Variants in SLC35F1 observed in about 807,000 individuals in gnomAD.
SLC35F1 encodes the protein chromosome 6 open reading frame 169.
SLC35F1 carries 14 observed loss-of-function variants against 48.7 expected under a neutral mutation model. That is an observed-to-expected ratio of 0.29 (90% CI 0.19 to 0.45). SLC35F1 has a LOEUF of 0.45. Among genes scored for constraint, SLC35F1 ranks in the 20% least tolerant of loss-of-function variants. The pLI is 1.00. For synonymous variants in SLC35F1, 190 were observed against 202.2 expected (o/e 0.94, Z 0.51); for missense variants, 404 against 500.0 (o/e 0.81, Z 1.83).
intron 1 of SLC35F1, among the ~76,000 whole-genome samples, chr6:117,948,179 A>G (rs1464651092): frequency 2.0e-5 from 3 of 152,230 alleles, no homozygotes; most frequent in African/African-American, 7.2e-5. Context: ...AACCAAGACA[A>G]ATCTTAACTG....
intron 1 of SLC35F1, among the ~76,000 whole-genome samples, chr6:118,023,829 C>T (rs1187625691): frequency 6.6e-6 from 1 of 152,202 alleles, no homozygotes; most frequent in Non-Finnish European, 1.5e-5. Context: ...CTTCTTTGTG[C>T]TGTAAAAAAG....
At chr6:118,044,018 A>T (rs1179954703) in intron 1 of SLC35F1, among the ~76,000 whole-genome samples, 1 of 152,180 alleles carries the variant, frequency 6.6e-6, no homozygotes, top group Non-Finnish European at 1.5e-5. Flanking sequence ...AAATCTCTTG[A>T]TTGAGTGGAA....
Position 118,026,492 on chromosome 6 carries a change from A to G in SLC35F1, c.173+118593A>G, listed in dbSNP as rs571545772. 5.3e-5 allele frequency among the ~76,000 whole-genome samples: 8 copies of G among 152,328 alleles called. No individual in the cohort carries two copies. In the East Asian group the frequency reaches 1.3e-3, roughly 26 times the overall value. On this transcript the variant is annotated intron_variant, in intron 1 of 7. Transcript: ENST00000360388. ...TATTCTGACTTTAGGATGTGTTAAT[A>G]AGAATATTGACATCACTCTTGGTTC... is the stretch of plus-strand genomic sequence containing the variant.
At chr6:118,247,746 C>G (rs1300147792) in intron 3 of SLC35F1, among the ~76,000 whole-genome samples, 1 of 147,718 alleles carries the variant, frequency 6.8e-6, no homozygotes, top group South Asian at 2.1e-4. Flanking sequence ...GACAAATTGC[C>G]TGGCATATTT....
chr6:118,120,770 C>T (rs2114401227), intron 1 of SLC35F1, among the ~76,000 whole-genome samples: 1 of 152,188 alleles, frequency 6.6e-6, no homozygotes, highest in Admixed American at 6.5e-5. Context: ...ATATTCCGCA[C>T]TGAAACAACA....
At chr6:118,122,770 TA>T (rs111817326) in intron 1 of SLC35F1, among the ~76,000 whole-genome samples, 4 of 152,204 alleles carry the variant, frequency 2.6e-5, no homozygotes, top group African/African-American at 9.6e-5. Flanking sequence ...AAAGTCTGGT[TA>T]ATTCCAGACC....
At chr6:118,185,509 T>C (rs1562318729) in intron 2 of SLC35F1, among the ~76,000 whole-genome samples, 1 of 152,052 alleles carries the variant, frequency 6.6e-6, no homozygotes, top group African/African-American at 2.4e-5. Flanking sequence ...GAAAACAAAA[T>C]CAAACAGTGT....
intron 7 of SLC35F1, among the ~76,000 whole-genome samples, chr6:118,291,248 C>T (rs1332963495): frequency 2.7e-3 from 50 of 18,186 alleles, no homozygotes; most frequent in Middle Eastern, 0.042. Context: ...TGTATACACA[C>T]ACACACACAC....
intron 1 of SLC35F1, among the ~76,000 whole-genome samples, chr6:118,043,375 G>A (rs1772255080): frequency 6.6e-6 from 1 of 151,484 alleles, no homozygotes; most frequent in African/African-American, 2.4e-5. Flanking sequence ...CATCAAATCT[G>A]TCACAGAGAA....
intron 3 of SLC35F1, among the ~76,000 whole-genome samples, chr6:118,235,898 CT>C (rs1189324570): frequency 6.6e-6 from 1 of 151,902 alleles, no homozygotes; most frequent in Non-Finnish European, 1.5e-5. Context: ...CATATGTTTT[CT>C]CTTTGTTTTG....
chr6:118,150,020 A>T (rs1485474284), intron 1 of SLC35F1, among the ~76,000 whole-genome samples: 1 of 152,208 alleles, frequency 6.6e-6, no homozygotes, highest in Non-Finnish European at 1.5e-5. Context: ...ATAATTAAAA[A>T]GTTGAGATTT....
intron 1 of SLC35F1, among the ~76,000 whole-genome samples, chr6:118,003,198 C>G (rs566770314): frequency 6.6e-6 from 1 of 152,270 alleles, no homozygotes; most frequent in South Asian, 2.1e-4. Context: ...TCTCAAGGCT[C>G]CAGCATGTCA....
At chr6:118,123,619 A>G (rs1773584068) in intron 1 of SLC35F1, among the ~76,000 whole-genome samples, 1 of 152,194 alleles carries the variant, frequency 6.6e-6, no homozygotes, top group South Asian at 2.1e-4. Context: ...GCAACCTTTG[A>G]TCTTCCCTAA....
intron 1 of SLC35F1, among the ~76,000 whole-genome samples, chr6:118,005,099 A>G (rs1228452874): frequency 6.6e-6 from 1 of 152,194 alleles, no homozygotes; most frequent in East Asian, 1.9e-4. Context: ...GGTCTTACAG[A>G]AAGACAATGT....
At chr6:117,971,773 A>C (rs894303779) in intron 1 of SLC35F1, among the ~76,000 whole-genome samples, 2 of 152,256 alleles carry the variant, frequency 1.3e-5, no homozygotes, top group Admixed American at 1.3e-4. Flanking sequence ...GGCTAGAGCT[A>C]TAGCAGCTGG....
intron 2 of SLC35F1, among the ~76,000 whole-genome samples, chr6:118,217,521 C>T (rs2114557901): frequency 6.6e-6 from 1 of 152,142 alleles, no homozygotes; most frequent in South Asian, 2.1e-4. Context: ...AGAATGGGGT[C>T]ATGAAAAGCT....
intron 1 of SLC35F1, among the ~76,000 whole-genome samples, chr6:118,067,636 T>A (rs1470508023): frequency 6.6e-6 from 1 of 152,148 alleles, no homozygotes; most frequent in Non-Finnish European, 1.5e-5. Flanking sequence ...TCAGATGGAA[T>A]AAAGGCTAAA....
intron 2 of SLC35F1, among the ~76,000 whole-genome samples, chr6:118,212,407 T>C (rs948778565): frequency 9.2e-5 from 14 of 152,140 alleles, no homozygotes; most frequent in Non-Finnish European, 1.2e-4. Context: ...AATAATCATA[T>C]AGCTGGGCGC....
At position 117,923,902 on chromosome 6, in the gene SLC35F1, ATG is replaced by A. The variant is rs768387646; in HGVS notation, c.173+16011_173+16012del. On this transcript the variant is annotated intron_variant, in intron 1 of 7. Transcript: ENST00000360388. ...TATGTAGATACACATATACACATATATGTGTGTGTACATATATACATATGTGT... is the reference window on the plus strand; with the variant it reads ...TATGTAGATACACATATACACATATATGTGTGTACATATATACATATGTGT... Among the ~76,000 whole-genome samples the A allele has an allele frequency of 2.3e-4, 35 of 149,908 alleles. 1 individual carries two copies. Among genetic ancestry groups the A allele is most frequent in the South Asian group, 1.3e-3 (6 of 4,774 alleles).
Sources: gnomAD v4.1 joint callset for allele counts (sites outside exome capture counted in the v4.1 genomes callset) on GRCh38, gnomAD v4.1.1 for gene constraint, MANE v1.5 for transcripts, NCBI Gene and HGNC (gene_info 2026-07-23, HGNC 2026-07-21) for gene names.